Variants in TSC22D1 observed in about 807,000 individuals in gnomAD.
TSC22D1 encodes TSC22 domain family protein 1.
TSC22D1 carries 9 observed loss-of-function variants against 74.2 expected under a neutral mutation model. The ratio of observed to expected loss-of-function variants is 0.12; its 90% CI spans 0.07 to 0.21. TSC22D1 has a LOEUF of 0.21. TSC22D1 is among the 10% of genes least tolerant of loss of function. The probability of loss-of-function intolerance (pLI) is 1.00; values close to 1 mark genes in which losing one functional copy is unlikely to be tolerated. For synonymous variants in TSC22D1, 586 were observed against 492.5 expected (o/e 1.19, Z -2.51); for missense variants, 1,427 against 1,304.7 (o/e 1.09, Z -1.44).
intron 1 of TSC22D1, among the ~76,000 whole-genome samples, chr13:44,466,169 C>T (rs1384681804): frequency 6.6e-6 from 1 of 152,132 alleles, no homozygotes. Context: ...GAAGGCAGCA[C>T]ATAGGGCTGG....
intron 1 of TSC22D1, among the ~76,000 whole-genome samples, chr13:44,524,835 G>A (rs1313237400): frequency 6.6e-6 from 1 of 152,118 alleles, no homozygotes; most frequent in African/African-American, 2.4e-5. Context: ...ACCGTGCCCA[G>A]CTACTTCCAT....
intron 1 of TSC22D1, among the ~76,000 whole-genome samples, chr13:44,489,445 T>C (rs1210703963): frequency 6.6e-6 from 1 of 151,926 alleles, no homozygotes; most frequent in African/African-American, 2.4e-5. Context: ...AGAAGAGATA[T>C]TTGTTAAACA....
chr13:44,526,392 T>C (rs1880548322), intron 1 of TSC22D1, among the ~76,000 whole-genome samples: 5 of 150,886 alleles, frequency 3.3e-5, no homozygotes. Flanking sequence ...AAAAAAAGAA[T>C]GCATATTACC....
At position 44,433,784 on chromosome 13, in the gene TSC22D1, AAGTG is replaced by A. The variant is rs1874259440; in HGVS notation, c.*838_*841del. 5.7e-6 allele frequency: 3 copies of A among 529,416 alleles called. No homozygotes were observed. Among genetic ancestry groups the A allele is most frequent in the Non-Finnish European group, 6.4e-6 (2 of 311,054 alleles). 32.8% of individuals were successfully genotyped at this position (529,416 alleles called of 1,614,324 possible). ...CAGCAGCTAGATTTCAGATTACACA[AAGTG>A]AGTAACTGTGCCAAATTCTTAAAAT... On this transcript the variant is annotated 3_prime_UTR_variant, in exon 3 of 3. Coordinates refer to ENST00000458659, the MANE Select transcript of TSC22D1 (RefSeq NM_183422.4).
chr13:44,492,777 G>A (rs930322222), intron 1 of TSC22D1, among the ~76,000 whole-genome samples: 1 of 151,754 alleles, frequency 6.6e-6, no homozygotes, highest in African/African-American at 2.4e-5. Flanking sequence ...GATTCACAGG[G>A]GTTTTTTTTC....
chr13:44,465,781 T>C (rs181652248), intron 1 of TSC22D1, among the ~76,000 whole-genome samples: 2 of 152,302 alleles, frequency 1.3e-5, no homozygotes, highest in East Asian at 3.9e-4. Flanking sequence ...AAGACCAGCC[T>C]GGCCAACGTG....
chr13:44,450,114 G>T (rs1383348354), intron 1 of TSC22D1, among the ~76,000 whole-genome samples: 1 of 148,270 alleles, frequency 6.7e-6, no homozygotes, highest in Non-Finnish European at 1.5e-5. Flanking sequence ...TTACCCTCTG[G>T]GTGTTGAAAA....
intron 1 of TSC22D1, among the ~76,000 whole-genome samples, chr13:44,550,877 G>A (rs957809981): frequency 6.6e-6 from 1 of 151,800 alleles, no homozygotes; most frequent in Non-Finnish European, 1.5e-5. Flanking sequence ...TGGAGGTTGA[G>A]GCTGCAATGA....
chr13:44,520,315 G>A (rs555537810), intron 1 of TSC22D1, among the ~76,000 whole-genome samples: 1 of 152,280 alleles, frequency 6.6e-6, no homozygotes, highest in South Asian at 2.1e-4. Context: ...TGTGAAGAGA[G>A]AATGTAGTCT....
chr13:44,451,198 T>A lies in TSC22D1; in HGVS notation c.2913-15103A>T, dbSNP rs114853424. On this transcript the variant is annotated intron_variant, in intron 1 of 2. Coordinates refer to ENST00000458659, the MANE Select transcript of TSC22D1 (RefSeq NM_183422.4). ...ATGGCAGCCTCACGAAATGAGCCAA[T>A]GGACAGTCCGTTAGACAGAAACAGA... 3.5e-3 allele frequency among the ~76,000 whole-genome samples: 540 copies of A among 152,236 alleles called. 3 individuals carry two copies. Among genetic ancestry groups the A allele is most frequent in the African/African-American group, 0.012 (507 of 41,524 alleles).
chr13:44,459,330 A>T (rs553185317), intron 1 of TSC22D1, among the ~76,000 whole-genome samples: 59 of 152,232 alleles, frequency 3.9e-4, no homozygotes, highest in Non-Finnish European at 6.3e-4. Context: ...TGCCAGGATG[A>T]CCTGCCTGTG....
intron 1 of TSC22D1, among the ~76,000 whole-genome samples, chr13:44,444,363 C>G (rs1875468903): frequency 6.9e-6 from 1 of 145,524 alleles, no homozygotes; most frequent in Non-Finnish European, 1.5e-5. Flanking sequence ...TAAATGGTCT[C>G]AAGCACCTCA....
At chr13:44,492,458 C>T (rs892479334) in intron 1 of TSC22D1, among the ~76,000 whole-genome samples, 15 of 152,082 alleles carry the variant, frequency 9.9e-5, no homozygotes, top group Admixed American at 2.0e-4. Context: ...ATCTGTACAG[C>T]TATACACGAC....
At chr13:44,450,733 G>T (rs568909309) in intron 1 of TSC22D1, among the ~76,000 whole-genome samples, 1 of 152,184 alleles carries the variant, frequency 6.6e-6, no homozygotes, top group Non-Finnish European at 1.5e-5. Context: ...GTATAACATT[G>T]ATAGGCCTTA....
Position 44,452,645 on chromosome 13 carries a change from G to GC in TSC22D1, c.2913-16551dup, listed in dbSNP as rs540547654. On this transcript the variant is annotated intron_variant, in intron 1 of 2. Coordinates refer to ENST00000458659, the MANE Select transcript of TSC22D1 (RefSeq NM_183422.4). ...GCTTGCCTTCTGACAGCCTGGTGAT[G>GC]CCCCCCCAGTACCGCCAGCTGCTGA... 48 of 154,688 alleles carry GC rather than the reference G, an allele frequency of 3.1e-4. 1 individual carries two copies. In the East Asian group the frequency reaches 3.4e-3, roughly 11 times the overall value. The allele number at this position is 154,688 out of a possible 1,614,324, so 9.6% of individuals were successfully genotyped here.
intron 1 of TSC22D1, among the ~76,000 whole-genome samples, chr13:44,488,023 A>G (rs771033744): frequency 2.0e-5 from 3 of 151,920 alleles, no homozygotes; most frequent in Non-Finnish European, 4.4e-5. Flanking sequence ...ATACCACTGC[A>G]CTCCAGCCTG....
intron 1 of TSC22D1, among the ~76,000 whole-genome samples, chr13:44,484,196 T>C (rs537347215): frequency 1.3e-5 from 2 of 152,268 alleles, no homozygotes; most frequent in South Asian, 4.1e-4. Flanking sequence ...AAACAAATAG[T>C]ATCTGAACGT....
intron 1 of TSC22D1, among the ~76,000 whole-genome samples, chr13:44,473,758 C>T (rs1161869674): frequency 1.3e-5 from 2 of 152,040 alleles, no homozygotes; most frequent in African/African-American, 4.8e-5. Context: ...GACCTCTATT[C>T]CTAAGACAAA....
chr13:44,524,448 TTAAA>T (rs1880456465), intron 1 of TSC22D1, among the ~76,000 whole-genome samples: 1 of 152,136 alleles, frequency 6.6e-6, no homozygotes, highest in Admixed American at 6.5e-5. Context: ...GAAGAAAAAC[TTAAA>T]TAGATTAATT....
Sources: gnomAD v4.1 joint callset for allele counts (sites outside exome capture counted in the v4.1 genomes callset) on GRCh38, gnomAD v4.1.1 for gene constraint, MANE v1.5 for transcripts, NCBI Gene and HGNC (gene_info 2026-07-23, HGNC 2026-07-21) for gene names.